Variants in AFG1L observed in about 807,000 individuals in gnomAD.
AFG1L encodes the protein AFG1 like ATPase.
Under a neutral mutation model 62.2 loss-of-function variants are expected in AFG1L, and 53 were observed. The ratio of observed to expected loss-of-function variants is 0.85; its 90% CI spans 0.68 to 1.07. AFG1L has a LOEUF of 1.07. Ranked by LOEUF, AFG1L falls within the 50% of genes least tolerant of loss-of-function variation. AFG1L has a pLI of 0.00. For synonymous variants in AFG1L, 228 were observed against 210.3 expected, an observed-to-expected ratio of 1.08 and a Z score of -0.73; for missense variants, 555 against 590.5, an observed-to-expected ratio of 0.94 and a Z score of 0.62.
At chr6:108,328,750 C>G (rs923657784) in intron 2 of AFG1L, among the ~76,000 whole-genome samples, 1 of 152,104 alleles carries the variant, frequency 6.6e-6, no homozygotes, top group African/African-American at 2.4e-5. Flanking sequence ...CATCCAATCA[C>G]AAGTATCCTG....
chr6:108,502,273 T>C (rs1774236145), intron 10 of AFG1L, among the ~76,000 whole-genome samples: 1 of 151,894 alleles, frequency 6.6e-6, no homozygotes, highest in Admixed American at 6.6e-5. Flanking sequence ...TGGCGTGATC[T>C]CGGCTCACTG....
intron 7 of AFG1L, among the ~76,000 whole-genome samples, chr6:108,408,457 TG>T (rs1444171539): frequency 6.6e-6 from 1 of 152,258 alleles, no homozygotes; most frequent in Non-Finnish European, 1.5e-5. Flanking sequence ...GCTTTTCTTT[TG>T]CATAGCATTT....
intron 9 of AFG1L, 33 bp downstream of exon 9, chr6:108,476,968 C>A: frequency 6.4e-7 from 1 of 1,558,840 alleles, no homozygotes; most frequent in Non-Finnish European, 8.9e-7. Flanking sequence ...AAAGAGAATA[C>A]ATTTAGAACA....
At chr6:108,502,078 G>A (rs1339318167) in intron 10 of AFG1L, among the ~76,000 whole-genome samples, 1 of 152,168 alleles carries the variant, frequency 6.6e-6, no homozygotes, top group East Asian at 1.9e-4. Context: ...CCAGGTTGGA[G>A]TGCAGTGGCG....
At chr6:108,436,083 T>C (rs1771294013) in intron 7 of AFG1L, among the ~76,000 whole-genome samples, 1 of 152,206 alleles carries the variant, frequency 6.6e-6, no homozygotes. Flanking sequence ...TTTTGTTATG[T>C]TACAATGTAA....
rs186475485 is a variant in AFG1L, at chr6:108,341,998, A to G, written c.364-4990A>G. Reference sequence around the variant, plus strand: ...GTTTCAATAAAGACCAAATTTAGAGACTACTTAGAGAGGCATGGGCAGGCT... The same window carrying G: ...GTTTCAATAAAGACCAAATTTAGAGGCTACTTAGAGAGGCATGGGCAGGCT... On this transcript the variant is annotated intron_variant, in intron 2 of 12. Coordinates refer to ENST00000368977, the MANE Select transcript of AFG1L (RefSeq NM_145315.5). Among the ~76,000 whole-genome samples the G allele has an allele frequency of 2.6e-5, 4 of 152,310 alleles. No homozygotes were observed. In the East Asian group the frequency reaches 7.7e-4, roughly 29 times the overall value.
chr6:108,497,871 TAATA>T (rs1347698585), intron 10 of AFG1L, among the ~76,000 whole-genome samples: 1 of 152,196 alleles, frequency 6.6e-6, no homozygotes, highest in Non-Finnish European at 1.5e-5. Flanking sequence ...TCTTGCTGCA[TAATA>T]AATCACCCCA....
intron 11 of AFG1L, among the ~76,000 whole-genome samples, chr6:108,516,319 C>A (rs1774890110): frequency 6.6e-6 from 1 of 152,224 alleles, no homozygotes; most frequent in Admixed American, 6.5e-5. Flanking sequence ...AAGTGGGCTT[C>A]ATCCCTGGGA....
At chr6:108,400,708 T>G (rs1432133740) in intron 6 of AFG1L, among the ~76,000 whole-genome samples, 2 of 124,348 alleles carry the variant, frequency 1.6e-5, no homozygotes, top group African/African-American at 6.1e-5. Context: ...TATTATTATA[T>G]ATATTTAATA....
chr6:108,297,612 T>G (rs1031928902), intron 1 of AFG1L, among the ~76,000 whole-genome samples: 2 of 151,926 alleles, frequency 1.3e-5, no homozygotes, highest in Non-Finnish European at 2.9e-5. Context: ...CCTGGCACTT[T>G]GGAAGCCTGA....
intron 10 of AFG1L, among the ~76,000 whole-genome samples, chr6:108,488,220 A>C (rs1773643258): frequency 6.6e-6 from 1 of 152,214 alleles, no homozygotes; most frequent in Admixed American, 6.5e-5. Flanking sequence ...ACTTAATAGA[A>C]GGCTGTCATA....
chr6:108,373,405 T>C (rs1001375097), intron 6 of AFG1L, among the ~76,000 whole-genome samples: 2 of 152,176 alleles, frequency 1.3e-5, no homozygotes, highest in African/African-American at 4.8e-5. Context: ...CTCCTTGGTG[T>C]ATATGTACCA....
chr6:108,497,602 T>C (rs758380675), intron 10 of AFG1L, among the ~76,000 whole-genome samples: 1 of 152,104 alleles, frequency 6.6e-6, no homozygotes, highest in Non-Finnish European at 1.5e-5. Context: ...TTCCTTCTAG[T>C]TCTTGTATAC....
At chr6:108,435,328 T>A (rs1403452565) in intron 7 of AFG1L, among the ~76,000 whole-genome samples, 2 of 152,144 alleles carry the variant, frequency 1.3e-5, no homozygotes, top group Non-Finnish European at 2.9e-5. Flanking sequence ...ACTGGGTGTA[T>A]CTGACAAGAG....
At chr6:108,399,769 CTTTTTTTTT>C (rs757924406) in intron 6 of AFG1L, among the ~76,000 whole-genome samples, 1 of 42,658 alleles carries the variant, frequency 2.3e-5, no homozygotes, top group African/African-American at 9.6e-5. Flanking sequence ...AAGTATCTCT[CTTTTTTTTT>C]TTTTTTTTTT....
At chr6:108,322,010 A>G (rs1170983870) in intron 1 of AFG1L, among the ~76,000 whole-genome samples, 1 of 152,104 alleles carries the variant, frequency 6.6e-6, no homozygotes, top group African/African-American at 2.4e-5. Flanking sequence ...AGCCTCCCCA[A>G]GTAGCTGGGA....
At chr6:108,497,639 A>G (rs1057108495) in intron 10 of AFG1L, among the ~76,000 whole-genome samples, 1 of 152,142 alleles carries the variant, frequency 6.6e-6, no homozygotes, top group African/African-American at 2.4e-5. Context: ...TATTTCTGGA[A>G]ATAAGTTTTA....
chr6:108,373,991 C>T (rs1007324189), intron 6 of AFG1L, among the ~76,000 whole-genome samples: 1 of 152,180 alleles, frequency 6.6e-6, no homozygotes, highest in Non-Finnish European at 1.5e-5. Context: ...CACAGCCTCA[C>T]CAGCATCTGT....
chr6:108,374,226 C>T (rs1390897648), intron 6 of AFG1L, among the ~76,000 whole-genome samples: 4 of 152,110 alleles, frequency 2.6e-5, no homozygotes, highest in African/African-American at 4.8e-5. Flanking sequence ...CTTATAGATT[C>T]TGGATATTAG....
Sources: allele counts gnomAD v4.1 joint callset (sites outside exome capture counted in the v4.1 genomes callset), GRCh38; gene constraint gnomAD v4.1.1; transcripts MANE v1.5; gene names NCBI Gene and HGNC (gene_info 2026-07-23, HGNC 2026-07-21).